The following MICAL2 variants were observed in gnomAD, a reference collection of about 807,000 sequenced individuals.
The protein encoded by MICAL2 is [F-actin]-monooxygenase MICAL2.
Under a neutral mutation model 127.3 loss-of-function variants are expected in MICAL2, and 77 were observed. The ratio of observed to expected loss-of-function variants is 0.60; its 90% CI spans 0.50 to 0.73. MICAL2 has a LOEUF of 0.73. MICAL2 is among the 30% of genes least tolerant of loss of function. MICAL2 has a pLI of 0.00. For missense variants in MICAL2, 1,351 were observed against 1,434.4 expected (o/e 0.94, Z 0.94); for synonymous variants, 570 against 551.1 (o/e 1.03, Z -0.48).
chr11:12,230,407 T>TG (rs1858083310), intron 15 of MICAL2, among the ~76,000 whole-genome samples: 1 of 152,266 alleles, frequency 6.6e-6, no homozygotes, highest in Admixed American at 6.5e-5. Context: ...TCAATGACCT[T>TG]GCTCATCAGC....
At chr11:12,213,785 G>A (rs1855812980) in intron 7 of MICAL2, among the ~76,000 whole-genome samples, 1 of 152,186 alleles carries the variant, frequency 6.6e-6, no homozygotes, top group East Asian at 1.9e-4. Context: ...CCGCACCTGA[G>A]GTCAGCATGA....
In MICAL2 at chr11:12,238,479, G is replaced by A. The variant is rs746558168; in HGVS notation, c.2065-957G>A. Among the ~76,000 whole-genome samples the A allele has an allele frequency of 3.9e-5, 6 of 152,158 alleles. 1 individual carries two copies. The highest frequency in any genetic ancestry group is 5.9e-5 in the Non-Finnish European group (4 of 68,016). On this transcript the variant is annotated intron_variant, in intron 16 of 27. Coordinates refer to ENST00000683283, the MANE Select transcript of MICAL2 (RefSeq NM_001282663.2). The stretch of plus-strand genomic sequence containing the variant: ...TGGAATGAGAAGAGCATTTCACCTC[G>A]GTGGTGTCCTTCCCCAAAGTCTAAT...
At chr11:12,322,953 T>G (rs2134844973) in intron 30 of MICAL2, among the ~76,000 whole-genome samples, 1 of 152,184 alleles carries the variant, frequency 6.6e-6, no homozygotes, top group East Asian at 1.9e-4. Flanking sequence ...TTCTTCTCAT[T>G]ACTCTAAAGA....
chr11:12,140,686 G>A (rs565321875), intron 2 of MICAL2, among the ~76,000 whole-genome samples: 15 of 152,210 alleles, frequency 9.9e-5, no homozygotes, highest in Middle Eastern at 3.4e-3. Flanking sequence ...ACTTTTACTC[G>A]GAGCTTCCTC....
At chr11:12,235,038 A>G (rs748329163) in intron 15 of MICAL2, among the ~76,000 whole-genome samples, 1 of 152,158 alleles carries the variant, frequency 6.6e-6, no homozygotes, top group Non-Finnish European at 1.5e-5. Context: ...TCTATGGTCA[A>G]TGGGACATGG....
chr11:12,350,234 A>G (rs1260268459), intron 33 of MICAL2, among the ~76,000 whole-genome samples: 3 of 152,194 alleles, frequency 2.0e-5, no homozygotes, highest in Non-Finnish European at 2.9e-5. Context: ...CCCTGGGTCC[A>G]TCTTAAAAGA....
At chr11:12,346,874 T>C (rs1938963269) in intron 32 of MICAL2, among the ~76,000 whole-genome samples, 1 of 152,144 alleles carries the variant, frequency 6.6e-6, no homozygotes, top group Admixed American at 6.5e-5. Context: ...TAAGAAAGAT[T>C]AACACCTTAT....
At chr11:12,275,299 G>C (rs763855975), upstream of MICAL2, among the ~76,000 whole-genome samples, 4 of 152,338 alleles carry the variant, frequency 2.6e-5, no homozygotes, top group African/African-American at 7.2e-5. Flanking sequence ...GTCTATATAA[G>C]TCTAGAATCA....
chr11:12,326,303 T>C (rs1315772774), intron 31 of MICAL2, among the ~76,000 whole-genome samples: 8 of 152,240 alleles, frequency 5.3e-5, no homozygotes, highest in Non-Finnish European at 1.0e-4. Flanking sequence ...CCAAGGGATG[T>C]GCCTTTTGAC....
chr11:12,354,925 A>C, intron 34 of MICAL2: 1 of 1,445,020 alleles, frequency 6.9e-7, no homozygotes, highest in Non-Finnish European at 9.6e-7. Context: ...TGTGCCACAA[A>C]TCCCAGAGTG....
At chr11:12,234,180 G>C (rs1420758779) in intron 15 of MICAL2, among the ~76,000 whole-genome samples, 7 of 152,084 alleles carry the variant, frequency 4.6e-5, no homozygotes, top group African/African-American at 1.7e-4. Context: ...TGGCTAATAT[G>C]GCTGTCTTCA....
intron 29 of MICAL2, among the ~76,000 whole-genome samples, chr11:12,317,163 C>T (rs1198078069): frequency 6.6e-6 from 1 of 152,172 alleles, no homozygotes. Flanking sequence ...TACTCTGCCC[C>T]ACGTATTCCA....
At chr11:12,241,003 T>C in intron 17 of MICAL2, 37 bp from the exon 18 acceptor site, 1 of 1,609,678 alleles carries the variant, frequency 6.2e-7, no homozygotes, top group East Asian at 2.2e-5. Flanking sequence ...TCATGTCTCC[T>C]GTGGCTGCTT....
intron 1 of MICAL2, among the ~76,000 whole-genome samples, chr11:12,116,257 C>T (rs867688272): frequency 2.6e-5 from 4 of 151,776 alleles, no homozygotes; most frequent in African/African-American, 9.7e-5. Context: ...GGATTATAGG[C>T]GTGAGCCACT....
intron 1 of MICAL2, among the ~76,000 whole-genome samples, chr11:12,124,514 T>C (rs1850757279): frequency 6.6e-6 from 1 of 152,236 alleles, no homozygotes; most frequent in Admixed American, 6.5e-5. Context: ...CCAAGGTTGC[T>C]TTCAGCTGTT....
At chr11:12,280,275 A>G (rs1277499986) in intron 1 of MICAL2, among the ~76,000 whole-genome samples, 1 of 152,078 alleles carries the variant, frequency 6.6e-6, no homozygotes, top group Non-Finnish European at 1.5e-5. Context: ...GACCAGAGAG[A>G]CCTTAGGAGT....
intron 31 of MICAL2, among the ~76,000 whole-genome samples, chr11:12,326,299 G>T (rs113945621): frequency 1.4e-4 from 21 of 152,330 alleles, no homozygotes; most frequent in African/African-American, 4.8e-4. Context: ...TCTGCCAAGG[G>T]ATGTGCCTTT....
intron 6 of MICAL2, among the ~76,000 whole-genome samples, chr11:12,211,996 G>A (rs539411605): frequency 1.3e-5 from 2 of 152,126 alleles, no homozygotes; most frequent in Admixed American, 6.5e-5. Flanking sequence ...CAGAACTCAG[G>A]GCCTGGATCC....
At chr11:12,212,246 A>G (rs1001427330) in intron 6 of MICAL2, among the ~76,000 whole-genome samples, 1 of 152,196 alleles carries the variant, frequency 6.6e-6, no homozygotes, top group East Asian at 1.9e-4. Flanking sequence ...TTTAATGTAA[A>G]TCATTGAAAA....
Sources: gnomAD v4.1 joint callset for allele counts (sites outside exome capture counted in the v4.1 genomes callset) on GRCh38, gnomAD v4.1.1 for gene constraint, MANE v1.5 for transcripts, NCBI Gene and HGNC (gene_info 2026-07-23, HGNC 2026-07-21) for gene names.